The following YEATS2 variants were observed in gnomAD, a reference collection of about 807,000 sequenced individuals.
YEATS2 encodes the protein YEATS domain-containing protein 2.
A neutral mutation model predicts 163.2 loss-of-function variants in YEATS2; 77 were observed. That is an observed-to-expected ratio of 0.47 (90% CI 0.39 to 0.57). The LOEUF is 0.57. YEATS2 is among the 20% of genes least tolerant of loss of function. The pLI is 0.00. For missense variants in YEATS2, 1,549 were observed against 1,729.8 expected, an observed-to-expected ratio of 0.90 and a Z score of 1.85; for synonymous variants, 631 against 645.1, an observed-to-expected ratio of 0.98 and a Z score of 0.33.
chr3:183,732,326 G>C (rs1023526000), intron 7 of YEATS2, among the ~76,000 whole-genome samples: 2 of 151,588 alleles, frequency 1.3e-5, no homozygotes, highest in African/African-American at 4.8e-5. Context: ...GGTGGCGTGT[G>C]CCTGTAGTCC....
Position 183,752,132 on chromosome 3 carries a change from C to T in YEATS2, c.1029C>T (p.Ser343=). Residue 343 remains serine, a synonymous_variant, in exon 10 of 31, where the codon TCC becomes TCT. Coordinates refer to ENST00000305135, the MANE Select transcript of YEATS2 (RefSeq NM_018023.5). The part of the protein sequence containing the change: ...SLGEDCIYPQ[S]SESDISDAPP... Reference sequence around the variant, plus strand: ...GAGAAGACTGTATCTATCCTCAGTCCTCGGAGTCTGACATCTCTGATGCCC... The same window carrying T: ...GAGAAGACTGTATCTATCCTCAGTCTTCGGAGTCTGACATCTCTGATGCCC... 6.2e-7 allele frequency: 1 copy of T among 1,614,126 alleles called. No individual in the cohort carries two copies. Among genetic ancestry groups the T allele is most frequent in the South Asian group, 1.1e-5 (1 of 91,076 alleles).
At chr3:183,780,621 C>T (rs768418853) in intron 19 of YEATS2, among the ~76,000 whole-genome samples, 2 of 152,110 alleles carry the variant, frequency 1.3e-5, no homozygotes, top group Non-Finnish European at 2.9e-5. Context: ...TAAAATGGCA[C>T]AAATGTTTAT....
Position 183,807,332 on chromosome 3 carries a change from C to T in YEATS2, c.4011+240C>T, listed in dbSNP as rs1302534182. Reference sequence around the variant, plus strand: ...CAGAAATGCTAATTACATGTGAAAACATTGCTTGTTGAACGCAGACGTGAA... The same window carrying T: ...CAGAAATGCTAATTACATGTGAAAATATTGCTTGTTGAACGCAGACGTGAA... On this transcript the variant is annotated intron_variant, in intron 28 of 30. Transcript: ENST00000305135. 4 of 506,090 alleles carry T rather than the reference C, an allele frequency of 7.9e-6. No homozygotes were observed. The Admixed American group carries it at 1.0e-4, about 13-fold the overall frequency. 31.3% of individuals were successfully genotyped at this position (506,090 alleles called of 1,614,324 possible).
intron 8 of YEATS2, among the ~76,000 whole-genome samples, chr3:183,746,620 T>C (rs1467948295): frequency 1.3e-5 from 2 of 151,800 alleles, no homozygotes; most frequent in Admixed American, 1.3e-4. Context: ...ATTTCTATGC[T>C]CTGGAGACTG....
At chr3:183,783,612 A>C (rs890271272) in intron 19 of YEATS2, among the ~76,000 whole-genome samples, 13 of 152,180 alleles carry the variant, frequency 8.5e-5, no homozygotes, top group African/African-American at 2.9e-4. Context: ...CCATTTACCC[A>C]ACGATTAGCT....
At chr3:183,749,230 A>G (rs974134056) in intron 9 of YEATS2, among the ~76,000 whole-genome samples, 1 of 152,224 alleles carries the variant, frequency 6.6e-6, no homozygotes, top group Non-Finnish European at 1.5e-5. Context: ...GGCGTGAGCC[A>G]TGGCGCCCGG....
chr3:183,803,969 G>T lies in YEATS2; in HGVS notation c.3583-18G>T, dbSNP rs1577226897. On this transcript the variant is annotated intron_variant, in intron 26 of 30. Transcript: ENST00000305135. ...GAAGGATTTGATTATGGTTCCAAAA[G>T]AAAATTTTTTTTTTAAGTGGCAAAG... is the stretch of plus-strand genomic sequence containing the variant. 6.2e-7 allele frequency: 1 copy of T among 1,612,586 alleles called. No homozygotes were observed. Among genetic ancestry groups the T allele is most frequent in the Non-Finnish European group, 8.5e-7 (1 of 1,179,168 alleles).
At chr3:183,807,849 A>C in intron 28 of YEATS2, 181 bp from the exon 29 acceptor site, 2 of 555,566 alleles carry the variant, frequency 3.6e-6, no homozygotes, top group Non-Finnish European at 6.5e-6. Context: ...GTGGAAAAAC[A>C]AGATAACATT....
intron 10 of YEATS2, among the ~76,000 whole-genome samples, chr3:183,752,566 G>A (rs1720287008): frequency 6.6e-6 from 1 of 151,524 alleles, no homozygotes. Flanking sequence ...AAATTTAGCT[G>A]GGTGTGATGG....
chr3:183,725,557 G>C (rs1716999790), intron 6 of YEATS2, among the ~76,000 whole-genome samples: 1 of 152,220 alleles, frequency 6.6e-6, no homozygotes, highest in African/African-American at 2.4e-5. Flanking sequence ...TGTCTTAAGT[G>C]GAGGCAGGCA....
chr3:183,750,893 T>C (rs1159677038), intron 9 of YEATS2, among the ~76,000 whole-genome samples: 2 of 152,178 alleles, frequency 1.3e-5, no homozygotes, highest in African/African-American at 4.8e-5. Context: ...CATTCCGTGT[T>C]ATATTTTTGC....
At position 183,774,388 on chromosome 3, in the gene YEATS2, G is replaced by A. The variant is rs143367145; in HGVS notation, c.2368+594G>A. Among the ~76,000 whole-genome samples the A allele has an allele frequency of 6.6e-3, 1,011 of 152,210 alleles. 6 individuals carry two copies. The highest frequency in any genetic ancestry group is 0.011 in the Non-Finnish European group (778 of 68,010). On this transcript the variant is annotated intron_variant, in intron 17 of 30. Transcript: ENST00000305135. ...TCCTTATGAGAATCTAATGCCTGAT[G>A]ATCTGAGGTGGAACAATTTCTTCCC...
At chr3:183,779,201 G>C (rs991845498) in intron 19 of YEATS2, among the ~76,000 whole-genome samples, 2 of 152,114 alleles carry the variant, frequency 1.3e-5, no homozygotes, top group African/African-American at 4.8e-5. Flanking sequence ...AAGCCACCAC[G>C]CCCAGCCCGT....
intron 6 of YEATS2, among the ~76,000 whole-genome samples, chr3:183,728,331 C>T (rs557039130): frequency 6.6e-6 from 1 of 152,254 alleles, no homozygotes; most frequent in African/African-American, 2.4e-5. Context: ...CAATTGTTAC[C>T]ACACTATATT....
At chr3:183,702,997 T>G (rs1173598336) in intron 1 of YEATS2, among the ~76,000 whole-genome samples, 1 of 152,196 alleles carries the variant, frequency 6.6e-6, no homozygotes, top group Non-Finnish European at 1.5e-5. Context: ...GAATGGATTC[T>G]GGGGGCTGAC....
chr3:183,718,231 C>T (rs1204357309), intron 3 of YEATS2, among the ~76,000 whole-genome samples: 3 of 152,168 alleles, frequency 2.0e-5, no homozygotes, highest in Non-Finnish European at 4.4e-5. Flanking sequence ...AAGATAATCC[C>T]TCTTTGCTCT....
chr3:183,779,677 T>C (rs1235956653), intron 19 of YEATS2, among the ~76,000 whole-genome samples: 1 of 151,800 alleles, frequency 6.6e-6, no homozygotes, highest in East Asian at 2.0e-4. Context: ...CAGAGAAAAC[T>C]TTATTTTTAT....
rs184826358 is a variant in YEATS2 at position 183,798,482 on chromosome 3, T to G, written c.3227-409T>G. Among the ~76,000 whole-genome samples the G allele has an allele frequency of 5.9e-5, 9 of 152,156 alleles. No individual in the cohort carries two copies. In the East Asian group the frequency reaches 1.5e-3, roughly 26 times the overall value. On this transcript the variant is annotated intron_variant, in intron 22 of 30. Coordinates refer to ENST00000305135, the MANE Select transcript of YEATS2 (RefSeq NM_018023.5). ...GATTCGCATGCCTCAGCCTCCCGAG[T>G]AGCTGGGACTACAGGCGCGTGCCAC...
At position 183,789,117 on chromosome 3, in the gene YEATS2, T is replaced by G. The variant is rs571061807; in HGVS notation, c.2914-1680T>G. On this transcript the variant is annotated intron_variant, in intron 20 of 30. Coordinates refer to ENST00000305135, the MANE Select transcript of YEATS2 (RefSeq NM_018023.5). ...ATTGTTTTCTTTGCTGTGCAGAAGCTTTTTAACTTGATGTGATCCCATTTA... is the reference window on the plus strand; with the variant it reads ...ATTGTTTTCTTTGCTGTGCAGAAGCGTTTTAACTTGATGTGATCCCATTTA... 3.1e-4 allele frequency among the ~76,000 whole-genome samples: 47 copies of G among 152,320 alleles called. No homozygotes were observed. The East Asian group carries it at 4.6e-3, about 15-fold the overall frequency.
Sources: allele counts gnomAD v4.1 joint callset (sites outside exome capture counted in the v4.1 genomes callset), GRCh38; gene constraint gnomAD v4.1.1; transcripts MANE v1.5; gene names NCBI Gene and HGNC (gene_info 2026-07-23, HGNC 2026-07-21).